The following CADPS variants were observed in gnomAD, a reference collection of about 807,000 sequenced individuals.
CADPS encodes the protein calcium dependent secretion activator.
A neutral mutation model predicts 167.3 loss-of-function variants in CADPS; 57 were observed. The ratio of observed to expected loss-of-function variants is 0.34; its 90% CI spans 0.28 to 0.42. CADPS has a LOEUF of 0.42. CADPS is among the 20% of genes least tolerant of loss of function. The probability of loss-of-function intolerance (pLI) is 1.00; values close to 1 mark genes in which losing one functional copy is unlikely to be tolerated. For missense variants in CADPS, 1,414 were observed against 1,738.1 expected, an observed-to-expected ratio of 0.81 and a Z score of 3.32; for synonymous variants, 676 against 635.3, an observed-to-expected ratio of 1.06 and a Z score of -0.96.
intron 6 of CADPS, among the ~76,000 whole-genome samples, chr3:62,624,495 T>G (rs545183759): frequency 1.1e-4 from 17 of 152,116 alleles, no homozygotes; most frequent in African/African-American, 4.1e-4. Context: ...GGTAATATAT[T>G]TTTTTTAAAA....
chr3:62,774,327 TA>T (rs759046763), intron 1 of CADPS, among the ~76,000 whole-genome samples: 35 of 145,884 alleles, frequency 2.4e-4, no homozygotes, highest in Admixed American at 6.2e-4. Context: ...GGCACTCAGT[TA>T]AAAAAAAAAA....
intron 29 of CADPS, among the ~76,000 whole-genome samples, chr3:62,401,732 A>ATTTT (rs35897409): frequency 4.1e-5 from 6 of 145,500 alleles, no homozygotes; most frequent in African/African-American, 7.6e-5. Flanking sequence ...CTCATACCAC[A>ATTTT]TTTTTTTTTT....
intron 1 of CADPS, among the ~76,000 whole-genome samples, chr3:62,828,360 A>C (rs1356463201): frequency 6.6e-6 from 1 of 152,150 alleles, no homozygotes; most frequent in Non-Finnish European, 1.5e-5. Flanking sequence ...TCTTCACAAA[A>C]CTGTTCCCAT....
rs2069452697 is a variant in CADPS, at chr3:62,649,492, T to C, written c.1203+1355A>G. On this transcript the variant is annotated intron_variant, in intron 5 of 29. Transcript: ENST00000383710. ...AACATTAATCCACTTCCTATTTCTG[T>C]AGATTTGCCTTTCGGACCTTTTATA... Among the ~76,000 whole-genome samples the C allele has an allele frequency of 2.0e-5, 3 of 151,152 alleles. No individual in the cohort carries two copies. In the Admixed American group the frequency reaches 2.0e-4, roughly 10 times the overall value.
intron 2 of CADPS, among the ~76,000 whole-genome samples, chr3:62,762,406 C>T (rs1006085454): frequency 3.3e-5 from 5 of 152,064 alleles, no homozygotes; most frequent in Admixed American, 1.3e-4. Flanking sequence ...CTGGTAATCC[C>T]AGCATTTTGG....
intron 13 of CADPS, among the ~76,000 whole-genome samples, chr3:62,524,052 G>C (rs2071409733): frequency 6.6e-6 from 1 of 152,206 alleles, no homozygotes. Context: ...AGGACATTTA[G>C]ACCAAACATC....
intron 16 of CADPS, 41 bp downstream of exon 16, chr3:62,516,018 C>A (rs1418740831): frequency 1.9e-6 from 3 of 1,610,908 alleles, no homozygotes; most frequent in Non-Finnish European, 2.5e-6. Context: ...GGAGGCATAT[C>A]AAAATTTAAA....
At position 62,634,327 on chromosome 3, in the gene CADPS, C is replaced by T. The variant is rs376368720; in HGVS notation, c.1325+11395G>A. ...CTGTTGTACTATTTATCTTCTTAGT[C>T]ATTTGTTTATTCATATAAAATAGTT... On this transcript the variant is annotated intron_variant, in intron 6 of 29. Transcript: ENST00000383710. Among the ~76,000 whole-genome samples the T allele has an allele frequency of 5.3e-5, 8 of 152,226 alleles. 1 individual carries two copies. In the East Asian group the frequency reaches 1.3e-3, roughly 26 times the overall value.
At chr3:62,766,032 A>G (rs750578263) in intron 1 of CADPS, 48 bp from the exon 2 acceptor site, 9 of 1,347,936 alleles carry the variant, frequency 6.7e-6, no homozygotes, top group Admixed American at 1.7e-5. Flanking sequence ...GTCCTAGACA[A>G]GGATCATGGA....
intron 28 of CADPS, among the ~76,000 whole-genome samples, chr3:62,413,107 A>G (rs1187952478): frequency 6.6e-6 from 1 of 152,208 alleles, no homozygotes; most frequent in Non-Finnish European, 1.5e-5. Context: ...AGTTCAACTC[A>G]TTGATACCAA....
intron 1 of CADPS, among the ~76,000 whole-genome samples, chr3:62,872,381 A>G (rs940097535): frequency 1.3e-5 from 2 of 152,168 alleles, no homozygotes; most frequent in African/African-American, 4.8e-5. Flanking sequence ...GCAGTGAAAA[A>G]GCTTCTTTTT....
chr3:62,445,511 A>G (rs2057061187), intron 27 of CADPS, among the ~76,000 whole-genome samples: 1 of 152,116 alleles, frequency 6.6e-6, no homozygotes, highest in African/African-American at 2.4e-5. Context: ...ATGAAAGTGA[A>G]AGTGAAGTGG....
At chr3:62,697,768 A>T (rs981496236) in intron 3 of CADPS, among the ~76,000 whole-genome samples, 4 of 151,900 alleles carry the variant, frequency 2.6e-5, no homozygotes, top group Non-Finnish European at 5.9e-5. Flanking sequence ...GCCAACATCT[A>T]TTTTTTTAAT....
intron 26 of CADPS, among the ~76,000 whole-genome samples, chr3:62,454,026 C>T (rs142925023): frequency 6.6e-6 from 1 of 152,268 alleles, no homozygotes; most frequent in African/African-American, 2.4e-5. Context: ...TCATAAGTAG[C>T]TCACCAGATG....
intron 20 of CADPS, 86 bp downstream of exon 20, chr3:62,492,204 G>A (rs2063864603): frequency 8.8e-7 from 1 of 1,141,630 alleles, no homozygotes; most frequent in African/African-American, 1.5e-5. Flanking sequence ...TGTCAAGCCT[G>A]TAGTCTGCTT....
At chr3:62,416,318 C>T (rs1249443002) in intron 28 of CADPS, among the ~76,000 whole-genome samples, 1 of 152,176 alleles carries the variant, frequency 6.6e-6, no homozygotes, top group Non-Finnish European at 1.5e-5. Context: ...CTCATGAGAG[C>T]AAAACTATTG....
intron 13 of CADPS, among the ~76,000 whole-genome samples, chr3:62,520,436 C>T (rs914640364): frequency 6.6e-6 from 1 of 152,188 alleles, no homozygotes; most frequent in Non-Finnish European, 1.5e-5. Flanking sequence ...TATCAGATAG[C>T]AGCTTCTGCT....
chr3:62,686,763 T>C (rs2078125595), intron 3 of CADPS, among the ~76,000 whole-genome samples: 1 of 152,102 alleles, frequency 6.6e-6, no homozygotes, highest in Non-Finnish European at 1.5e-5. Context: ...AACTCATTTT[T>C]ATTTCAGTAG....
intron 10 of CADPS, among the ~76,000 whole-genome samples, chr3:62,556,597 T>C (rs1278715334): frequency 6.6e-6 from 1 of 152,114 alleles, no homozygotes; most frequent in Non-Finnish European, 1.5e-5. Flanking sequence ...GGGCTGTTGG[T>C]GCTTGTTGTT....
Sources: allele counts gnomAD v4.1 joint callset (sites outside exome capture counted in the v4.1 genomes callset), GRCh38; gene constraint gnomAD v4.1.1; transcripts MANE v1.5; gene names NCBI Gene and HGNC (gene_info 2026-07-23, HGNC 2026-07-21).